ATP13A4: variants seen among roughly 807,000 people sequenced by gnomAD.
The protein encoded by ATP13A4 is probable cation-transporting ATPase 13A4.
ATP13A4 carries 114 observed loss-of-function variants against 142.5 expected under a neutral mutation model. The observed-to-expected ratio is 0.80, with a 90% CI of 0.69 to 0.93. The LOEUF is 0.93. ATP13A4 is among the 40% of genes least tolerant of loss of function. The pLI is 0.00. For missense variants in ATP13A4, 1,392 were observed against 1,454.0 expected (o/e 0.96, Z 0.69); for synonymous variants, 488 against 514.8 (o/e 0.95, Z 0.70).
At chr3:193,412,467 C>A (rs913329050) in intron 26 of ATP13A4, 96 bp from the exon 27 acceptor site, 107 of 1,115,614 alleles carry the variant, frequency 9.6e-5, no homozygotes, top group Non-Finnish European at 1.3e-4. Context: ...GTGTCCAGAG[C>A]AGGCACTCAA....
At chr3:193,584,803 CTTCATAGCTTT>C (rs1415286709) in intron 1 of ATP13A4, among the ~76,000 whole-genome samples, 1 of 152,122 alleles carries the variant, frequency 6.6e-6, no homozygotes, top group African/African-American at 2.4e-5. Flanking sequence ...TGTAATCATT[CTTCATAGCTTT>C]TTAATGTAAA....
chr3:193,404,191 T>G, intron 29 of ATP13A4: 1 of 979,632 alleles, frequency 1.0e-6, no homozygotes. Flanking sequence ...GAGCATCGAG[T>G]AAAGGTTTTA....
Position 193,491,376 on chromosome 3 carries a change from T to A in ATP13A4, c.556A>T (p.Thr186Ser). 1 of 1,599,410 alleles carries A rather than the reference T, an allele frequency of 6.3e-7. No homozygotes were observed. The highest frequency in any genetic ancestry group is 8.6e-7 in the Non-Finnish European group (1 of 1,167,096). Residue 186 changes from threonine (T) to serine (S), a missense_variant, in exon 6 of 30, where the codon ACT becomes TCT. Thr to Ser is a moderately conservative substitution (Grantham distance 58, BLOSUM62 1). Transcript: ENST00000342695. Reference sequence around the variant, plus strand: ...ATTGGTGTAACTTCAACATCGATAGTATTAGGCCCACATATTAACCTCCTA... The same window carrying A: ...ATTGGTGTAACTTCAACATCGATAGAATTAGGCCCACATATTAACCTCCTA... ...EIRRLICGPN[T>S]IDVEVTPIWK...
intron 2 of ATP13A4, among the ~76,000 whole-genome samples, chr3:193,567,370 G>C (rs558489198): frequency 6.6e-6 from 1 of 152,018 alleles, no homozygotes; most frequent in South Asian, 2.1e-4. Flanking sequence ...CAATAAACAT[G>C]CTTTAATGTT....
intron 13 of ATP13A4, among the ~76,000 whole-genome samples, chr3:193,459,654 G>A (rs1717839951): frequency 6.6e-6 from 1 of 152,156 alleles, no homozygotes; most frequent in East Asian, 1.9e-4. Flanking sequence ...GGCCAGGCTG[G>A]TCTTGAACTC....
At chr3:193,564,179 T>G (rs1361678126) in intron 2 of ATP13A4, among the ~76,000 whole-genome samples, 1 of 152,238 alleles carries the variant, frequency 6.6e-6, no homozygotes, top group Non-Finnish European at 1.5e-5. Flanking sequence ...TCTACCTGCC[T>G]AGCTGGGCCT....
At chr3:193,463,401 G>A (rs1036303296) in intron 12 of ATP13A4, among the ~76,000 whole-genome samples, 11 of 127,014 alleles carry the variant, frequency 8.7e-5, no homozygotes, top group South Asian at 2.5e-4. Flanking sequence ...GAACAGACTC[G>A]AAAGAAATGG....
intron 1 of ATP13A4, among the ~76,000 whole-genome samples, chr3:193,522,856 T>G (rs1479006698): frequency 6.6e-6 from 1 of 152,100 alleles, no homozygotes; most frequent in African/African-American, 2.4e-5. Context: ...TTTCTAGGCT[T>G]TCATGTGATG....
intron 1 of ATP13A4, among the ~76,000 whole-genome samples, chr3:193,547,654 T>C (rs1723300430): frequency 6.6e-6 from 1 of 151,516 alleles, no homozygotes; most frequent in Admixed American, 6.6e-5. Flanking sequence ...CTCAATATGA[T>C]ACCTATTATA....
rs565819607 is a variant in ATP13A4 at position 193,454,098 on chromosome 3, T to C, written c.2027+3A>G. 12 of 1,602,686 alleles carry C rather than the reference T, an allele frequency of 7.5e-6. No individual in the cohort carries two copies. The highest frequency in any genetic ancestry group is 1.0e-5 in the Non-Finnish European group (12 of 1,169,482). On this transcript the variant is annotated splice_donor_region_variant and intron_variant, in intron 17 of 29. Transcript: ENST00000342695. ...CTGCTTTATCAAAATCATCCCCATT[T>C]ACCTCGTCAAGGTAGTAGCGTGATG... is the stretch of plus-strand genomic sequence containing the variant.
chr3:193,411,649 T>C (rs895351268), intron 27 of ATP13A4, among the ~76,000 whole-genome samples: 1 of 152,184 alleles, frequency 6.6e-6, no homozygotes, highest in African/African-American at 2.4e-5. Context: ...AGGTCACTCA[T>C]TTCTCATCCA....
At chr3:193,537,011 T>C (rs1447829237) in intron 1 of ATP13A4, among the ~76,000 whole-genome samples, 3 of 152,176 alleles carry the variant, frequency 2.0e-5, no homozygotes, top group South Asian at 2.1e-4. Flanking sequence ...AAGCTAAACA[T>C]AGTAAAGATT....
intron 2 of ATP13A4, among the ~76,000 whole-genome samples, chr3:193,569,705 A>G (rs1222810187): frequency 2.6e-5 from 4 of 151,794 alleles, no homozygotes; most frequent in Non-Finnish European, 5.9e-5. Flanking sequence ...TTAAAAAAAA[A>G]ATTTTGTGTG....
In ATP13A4 at chr3:193,478,920, A is replaced by G. The variant is rs193208663; in HGVS notation, c.808+5016T>C. Among the ~76,000 whole-genome samples the G allele has an allele frequency of 2.0e-5, 3 of 152,354 alleles. No individual in the cohort carries two copies. The East Asian group carries it at 5.8e-4, about 29-fold the overall frequency. ...CAGCATATCAAAAAGATAATCCACC[A>G]TGATCAAGTGGGTTTCATACCAAGA... On this transcript the variant is annotated intron_variant, in intron 8 of 29. Transcript: ENST00000342695.
chr3:193,448,403 G>C, intron 17 of ATP13A4, 73 bp from the exon 18 acceptor site: 1 of 1,560,650 alleles, frequency 6.4e-7, no homozygotes, highest in Non-Finnish European at 8.7e-7. Flanking sequence ...ACGGAGTCTC[G>C]CTCTGTCATC....
In ATP13A4 at chr3:193,515,613, G is replaced by A. The variant is rs141578744; in HGVS notation, c.61-742C>T. 3.2e-4 allele frequency among the ~76,000 whole-genome samples: 48 copies of A among 152,242 alleles called. No homozygotes were observed. The East Asian group carries it at 5.4e-3, about 17-fold the overall frequency. ...ATCTCATTCTACTGAGCACCAATGCGTCATGAGAGGATATTATTAGACCCC... is the reference window on the plus strand; with the variant it reads ...ATCTCATTCTACTGAGCACCAATGCATCATGAGAGGATATTATTAGACCCC... On this transcript the variant is annotated intron_variant, in intron 1 of 29. Transcript: ENST00000342695.
chr3:193,542,976 T>C (rs900768533), intron 1 of ATP13A4, among the ~76,000 whole-genome samples: 11 of 152,050 alleles, frequency 7.2e-5, no homozygotes, highest in Non-Finnish European at 1.6e-4. Context: ...CCATCCTGGC[T>C]AACATGGTGA....
intron 26 of ATP13A4, 67 bp downstream of exon 26, chr3:193,414,512 A>G (rs1714947376): frequency 6.3e-7 from 1 of 1,577,146 alleles, no homozygotes; most frequent in Admixed American, 1.7e-5. Context: ...GCCTCCCATC[A>G]TATTGGCCAG....
intron 2 of ATP13A4, 37 bp downstream of exon 2, chr3:193,514,661 A>AG: frequency 1.3e-6 from 2 of 1,593,520 alleles, no homozygotes; most frequent in South Asian, 1.2e-5. Flanking sequence ...CAGAAACAAA[A>AG]GGGGGGCACC....
Sources: allele counts gnomAD v4.1 joint callset (sites outside exome capture counted in the v4.1 genomes callset), GRCh38; gene constraint gnomAD v4.1.1; transcripts MANE v1.5; gene names NCBI Gene and HGNC (gene_info 2026-07-23, HGNC 2026-07-21).